The following EIF3B variants were observed in gnomAD, a reference collection of about 807,000 sequenced individuals.
EIF3B encodes eukaryotic translation initiation factor 3 subunit B.
EIF3B carries 10 observed loss-of-function variants against 104.6 expected under a neutral mutation model. The ratio of observed to expected loss-of-function variants is 0.10; its 90% CI spans 0.06 to 0.16. The LOEUF is 0.16. Among genes scored for constraint, EIF3B ranks in the 10% least tolerant of loss-of-function variants. The probability of loss-of-function intolerance (pLI) is 1.00; values close to 1 mark genes in which losing one functional copy is unlikely to be tolerated. For missense variants in EIF3B, 1,014 were observed against 1,087.9 expected (o/e 0.93, Z 0.96); for synonymous variants, 542 against 417.2 (o/e 1.30, Z -3.65).
At chr7:2,373,800 C>CA (rs1175800489) in intron 12 of EIF3B, 1 of 152,208 alleles carries the variant, frequency 6.6e-6, no homozygotes, top group Non-Finnish European at 1.5e-5. Flanking sequence ...ACGCTGGGGC[C>CA]ACCGCATGGG....
chr7:2,378,457 T>G, intron 15 of EIF3B: 1 of 205,848 alleles, frequency 4.9e-6, no homozygotes, highest in Non-Finnish European at 9.3e-6. Flanking sequence ...GGAAGCTGTG[T>G]TGTGTGAATG....
intron 11 of EIF3B, among the ~76,000 whole-genome samples, chr7:2,372,397 G>A (rs1010303): frequency 0.43 from 65,622 of 151,988 alleles, 15,972 homozygotes; most frequent in East Asian, 0.73. Flanking sequence ...ATCCACAGCT[G>A]CTGACAATGT....
intron 18 of EIF3B, 169 bp from the exon 19 acceptor site, chr7:2,380,035 T>C: frequency 7.7e-6 from 2 of 260,024 alleles, no homozygotes; most frequent in Non-Finnish European, 7.7e-6. Flanking sequence ...CTGGTTGCTG[T>C]CCCCCCAGGG....
At chr7:2,358,250 CT>C (rs1779557274) in intron 1 of EIF3B, among the ~76,000 whole-genome samples, 1 of 152,004 alleles carries the variant, frequency 6.6e-6, no homozygotes, top group Non-Finnish European at 1.5e-5. Context: ...TGCCTGGCTA[CT>C]TTTTGTATTT....
intron 2 of EIF3B, among the ~76,000 whole-genome samples, chr7:2,361,118 T>A (rs951299761): frequency 1.3e-5 from 2 of 152,148 alleles, no homozygotes; most frequent in South Asian, 4.1e-4. Flanking sequence ...TTTTTAAAAT[T>A]ATCTAGAATA....
chr7:2,366,883 A>G lies in EIF3B; in HGVS notation c.1357-116A>G, dbSNP rs151334711. On this transcript the variant is annotated intron_variant, in intron 8 of 18. Transcript: ENST00000360876. ...GGGTTCACTGTCACGCTCTGTGTGC[A>G]CTGCCCCCTAGGCAAACTCACATCA... The G allele has an allele frequency of 3.4e-5, 38 of 1,119,922 alleles. No homozygotes were observed. The African/African-American group carries it at 4.5e-4, about 13-fold the overall frequency. 69.4% of individuals were successfully genotyped at this position (1,119,922 alleles called of 1,614,324 possible). A position where few individuals can be genotyped will look rare whatever the true frequency, so the allele number is the denominator to read the frequency against.
In EIF3B at chr7:2,376,986, C is replaced by T. The variant is rs749650814; in HGVS notation, c.2065C>T (p.Arg689Cys). ...NAYWLWTFQG[R>C]LLQKNNKDRF... is the part of the protein sequence containing the mutation. Reference sequence around the variant, plus strand: ...GTACTGGCTGTGGACTTTCCAGGGACGCCTCCTGCAGAAGAACAACAAGGA... The same window carrying T: ...GTACTGGCTGTGGACTTTCCAGGGATGCCTCCTGCAGAAGAACAACAAGGA... Residue 689 changes from arginine to cysteine, a missense_variant, in exon 15 of 19, where the codon CGC (arginine) becomes TGC (cysteine). Arg to Cys is a radical substitution (Grantham distance 180). This residue lies in a region of EIF3B where 266 missense variants were observed against 324.0 expected (regional missense o/e 0.82). Transcript: ENST00000360876. 3 of 1,613,946 alleles carry T rather than the reference C, an allele frequency of 1.9e-6. No homozygotes were observed. Among genetic ancestry groups the T allele is most frequent in the Non-Finnish European group, 2.5e-6 (3 of 1,180,026 alleles).
rs1780026917 is a variant in EIF3B, at chr7:2,366,341, G to A, written c.1182G>A (p.Leu394=). ...GGTACCTGGTGACCTTTAGCCCCCT[G>A]ATGGACACGCAGGATGACCCTCAGG... ...CERYLVTFSP[L]MDTQDDPQAI... is the part of the protein sequence containing the mutation. Residue 394 remains leucine (L), a synonymous_variant, in exon 7 of 19, where the codon CTG becomes CTA. Coordinates refer to ENST00000360876, the MANE Select transcript of EIF3B (RefSeq NM_001037283.2). 6.2e-7 allele frequency: 1 copy of A among 1,612,240 alleles called. No homozygotes were observed.
chr7:2,361,909 C>T (rs1236209272), intron 2 of EIF3B, among the ~76,000 whole-genome samples: 4 of 150,236 alleles, frequency 2.7e-5, no homozygotes, highest in Admixed American at 6.7e-5. Flanking sequence ...CCCAAGTAGC[C>T]GGGATTACAG....
chr7:2,374,453 A>G, intron 12 of EIF3B, 75 bp from the exon 13 acceptor site: 2 of 1,473,718 alleles, frequency 1.4e-6, no homozygotes, highest in Non-Finnish European at 9.4e-7. Context: ...GAGCACGGCC[A>G]AGTCCTCCAG....
chr7:2,372,962 A>G (rs895885595), intron 12 of EIF3B, among the ~76,000 whole-genome samples, 167 bp downstream of exon 12: 1 of 152,160 alleles, frequency 6.6e-6, no homozygotes, highest in Non-Finnish European at 1.5e-5. Context: ...GATGGCCTGG[A>G]GGTGCCGCCT....
chr7:2,358,808 C>T (rs986463886), intron 1 of EIF3B, among the ~76,000 whole-genome samples: 1 of 152,182 alleles, frequency 6.6e-6, no homozygotes, highest in Non-Finnish European at 1.5e-5. Flanking sequence ...GGATTACAGG[C>T]GTGAGCCACT....
At position 2,371,761 on chromosome 7, in the gene EIF3B, C is replaced by T. The variant is rs1562487369; in HGVS notation, c.1615-16C>T. 1.9e-6 allele frequency: 3 copies of T among 1,596,638 alleles called. No homozygotes were observed. On this transcript the variant is annotated splice_polypyrimidine_tract_variant and intron_variant, in intron 10 of 18. Coordinates refer to ENST00000360876, the MANE Select transcript of EIF3B (RefSeq NM_001037283.2). ...ACTGTCCAGAATGTCACCCCTTCCC[C>T]CTTTTTTTTAAACAGGGTGTTGTCA...
intron 10 of EIF3B, among the ~76,000 whole-genome samples, chr7:2,369,989 C>T (rs1013495804): frequency 6.6e-6 from 1 of 151,888 alleles, no homozygotes; most frequent in African/African-American, 2.4e-5. Flanking sequence ...GTTGGCCAGG[C>T]TGGTCTTGAA....
chr7:2,377,543 C>T (rs543638899), intron 15 of EIF3B, among the ~76,000 whole-genome samples: 1,969 of 125,246 alleles, frequency 0.016, 20 homozygotes, highest in Middle Eastern at 0.047. Context: ...GAGGAAGGAG[C>T]AGGCACGAGC....
Position 2,375,502 on chromosome 7 carries a change from C to A in EIF3B, c.2003C>A (p.Thr668Asn). 1 of 1,614,242 alleles carries A rather than the reference C, an allele frequency of 6.2e-7. No individual in the cohort carries two copies. Among genetic ancestry groups the A allele is most frequent in the Non-Finnish European group, 8.5e-7 (1 of 1,180,052 alleles). The change falls in exon 14 of 19, where the codon ACC becomes AAC. Residue 668 changes from threonine (T) to asparagine (N), a missense_variant. Thr to Asn is a moderately conservative substitution (Grantham distance 65, BLOSUM62 0). Coordinates refer to ENST00000360876, the MANE Select transcript of EIF3B (RefSeq NM_001037283.2). ...GATCCTACTGGGCGCTACGTCGTCA[C>A]CTCTGTGTCCTGGTGGAGCCATAAG... ...EWDPTGRYVV[T>N]SVSWWSHKVD... is the part of the protein sequence containing the mutation.
chr7:2,374,986 T>G, intron 13 of EIF3B: 2 of 300,864 alleles, frequency 6.6e-6, no homozygotes, highest in Non-Finnish European at 1.2e-5. Flanking sequence ...CTTACCTTTG[T>G]GGTTGGTGTC....
At chr7:2,367,592 C>G (rs1256772265) in intron 9 of EIF3B, among the ~76,000 whole-genome samples, 1 of 151,194 alleles carries the variant, frequency 6.6e-6, no homozygotes, top group Non-Finnish European at 1.5e-5. Flanking sequence ...GCCTCAACCT[C>G]CCGAGTAGCT....
chr7:2,363,559 T>TA lies in EIF3B; in HGVS notation c.871-71dup. ...ATGTGGACTGAACTTGTCATATCTTTAAGAGCAATAGTTGTGAATGAGTTT... is the reference window on the plus strand; with the variant it reads ...ATGTGGACTGAACTTGTCATATCTTTAAAGAGCAATAGTTGTGAATGAGTTT... On this transcript the variant is annotated intron_variant, in intron 4 of 18. Coordinates refer to ENST00000360876, the MANE Select transcript of EIF3B (RefSeq NM_001037283.2). The TA allele has an allele frequency of 1.4e-6, 2 of 1,396,748 alleles. 1 individual carries two copies. Among genetic ancestry groups the TA allele is most frequent in the South Asian group, 2.7e-5 (2 of 74,808 alleles). The allele number at this position is 1,396,748 out of a possible 1,614,324, so 86.5% of individuals were successfully genotyped here.
Sources: allele counts gnomAD v4.1 joint callset (sites outside exome capture counted in the v4.1 genomes callset), GRCh38; gene constraint gnomAD v4.1.1; regional missense constraint gnomAD v4.1.1; transcripts MANE v1.5; gene names NCBI Gene and HGNC (gene_info 2026-07-23, HGNC 2026-07-21).